TPGS1: variants seen among roughly 807,000 people sequenced by gnomAD.
TPGS1 encodes tubulin polyglutamylase complex subunit 1.
TPGS1 carries 18 observed loss-of-function variants against 11.9 expected under a neutral mutation model. That is an observed-to-expected ratio of 1.51 (90% CI 1.04 to 2.24). The LOEUF (loss-of-function observed/expected upper bound fraction) is 2.24, where lower values mean the gene tolerates loss of function less well. TPGS1 is among the 30% of genes most tolerant of loss of function. TPGS1 has a pLI of 0.00. For missense variants in TPGS1, 500 were observed against 443.0 expected, an observed-to-expected ratio of 1.13 and a Z score of -1.16; for synonymous variants, 247 against 218.2, an observed-to-expected ratio of 1.13 and a Z score of -1.16.
intron 1 of TPGS1, chr19:509,959 G>A (rs533817432): frequency 6.6e-6 from 1 of 152,430 alleles, no homozygotes; most frequent in African/African-American, 2.4e-5. Flanking sequence ...AGACCTGCGT[G>A]GCATCTGATT....
intron 1 of TPGS1, chr19:508,071 C>T (rs1160837628): frequency 5.0e-6 from 2 of 396,292 alleles, no homozygotes; most frequent in Non-Finnish European, 8.9e-6. Context: ...GTCCTTCTGG[C>T]CGGCTTCGCC....
chr19:516,366 A>G (rs1020976897), intron 1 of TPGS1, among the ~76,000 whole-genome samples: 5 of 151,868 alleles, frequency 3.3e-5, no homozygotes, highest in African/African-American at 1.2e-4. Flanking sequence ...GTTAAGCATT[A>G]CAGCATTTCT....
At chr19:511,845 C>T (rs185576920) in intron 1 of TPGS1, among the ~76,000 whole-genome samples, 2 of 152,116 alleles carry the variant, frequency 1.3e-5, no homozygotes, top group African/African-American at 2.4e-5. Context: ...ACTCTTCTCG[C>T]TTACTCTGCA....
Position 519,457 on chromosome 19 carries a change from T to G in TPGS1, c.*34T>G. On this transcript the variant is annotated 3_prime_UTR_variant, in exon 2 of 2. Transcript: ENST00000359315. ...GGCCGCGCGGATCCGGGATCTGCGC[T>G]GGGGGGTCCCCGCGTGCGGGGCGCG... 1 of 1,190,598 alleles carries G rather than the reference T, an allele frequency of 8.4e-7. No homozygotes were observed. The highest frequency in any genetic ancestry group is 1.0e-6 in the Non-Finnish European group (1 of 960,708). The allele number at this position is 1,190,598 out of a possible 1,614,324, so 73.8% of individuals were successfully genotyped here.
intron 1 of TPGS1, among the ~76,000 whole-genome samples, chr19:512,973 T>C (rs1464095123): frequency 3.9e-5 from 6 of 152,128 alleles, no homozygotes; most frequent in Admixed American, 3.3e-4. Flanking sequence ...CTGGGCCGCC[T>C]CGCGTCGAGC....
At position 507,524 on chromosome 19, in the gene TPGS1, G is replaced by C. The variant is rs1432893749; in HGVS notation, c.18G>C (p.Lys6Asn). 1.1e-5 allele frequency: 16 copies of C among 1,418,938 alleles called. No individual in the cohort carries two copies. Among genetic ancestry groups the C allele is most frequent in the African/African-American group, 4.5e-5 (3 of 67,164 alleles). 87.9% of individuals were successfully genotyped at this position (1,418,938 alleles called of 1,614,324 possible). MAAVEKRRQAVPPPAG... is the reference protein window; with the variant it reads MAAVENRRQAVPPPAG... ...CAGCGAAGATGGCGGCAGTGGAGAA[G>C]CGGCGGCAAGCGGTACCACCGCCGG... Residue 6 changes from lysine (K) to asparagine (N), a missense_variant, in exon 1 of 2, where the codon AAG becomes AAC. Coordinates refer to ENST00000359315, the MANE Select transcript of TPGS1 (RefSeq NM_033513.3).
chr19:508,274 C>T (rs1978686276), intron 1 of TPGS1: 1 of 157,178 alleles, frequency 6.4e-6, no homozygotes, highest in South Asian at 2.0e-4. Flanking sequence ...GAGAGCAGCG[C>T]AGTCACCCAG....
At chr19:511,550 G>A (rs1389062654) in intron 1 of TPGS1, among the ~76,000 whole-genome samples, 3 of 152,256 alleles carry the variant, frequency 2.0e-5, no homozygotes, top group South Asian at 4.1e-4. Flanking sequence ...CCCCCACTCC[G>A]TAGATGCACA....
At position 507,583 on chromosome 19, in the gene TPGS1, C is replaced by G. The variant is rs938072717; in HGVS notation, c.77C>G (p.Ser26Cys). 9 of 1,398,910 alleles carry G rather than the reference C, an allele frequency of 6.4e-6. No individual in the cohort carries two copies. In the African/African-American group the frequency reaches 1.4e-4, roughly 21 times the overall value. 86.7% of individuals were successfully genotyped at this position (1,398,910 alleles called of 1,614,324 possible). A position where few individuals can be genotyped will look rare whatever the true frequency, so the allele number is the denominator to read the frequency against. Reference sequence around the variant, plus strand: ...ACGGACAGCGGCCGCCAGTCGGTATCCCGGGCGGCGGGGGCGGCCGAGAGC... The same window carrying G: ...ACGGACAGCGGCCGCCAGTCGGTATGCCGGGCGGCGGGGGCGGCCGAGAGC... ...GFTDSGRQSV[S>C]RAAGAAESEE... The change falls in exon 1 of 2, where the codon TCC (serine) becomes TGC (cysteine). Residue 26 changes from serine (S) to cysteine (C), a missense_variant. Transcript: ENST00000359315.
chr19:508,140 T>C (rs1339888482), intron 1 of TPGS1: 2 of 313,676 alleles, frequency 6.4e-6, no homozygotes, highest in Non-Finnish European at 1.2e-5. Flanking sequence ...ATTTTCAAAA[T>C]CGTGCAGCTC....
At chr19:518,722 T>C (rs1231387636) in intron 1 of TPGS1, among the ~76,000 whole-genome samples, 167 bp from the exon 2 acceptor site, 1 of 113,550 alleles carries the variant, frequency 8.8e-6, no homozygotes, top group African/African-American at 3.4e-5. Context: ...GCTTCAGGGA[T>C]AGAGGGTGAG....
intron 1 of TPGS1, among the ~76,000 whole-genome samples, chr19:515,663 G>A (rs1401136365): frequency 2.6e-5 from 4 of 151,840 alleles, no homozygotes; most frequent in African/African-American, 7.3e-5. Context: ...GCTTGAACCC[G>A]GGAGGTGGAG....
intron 1 of TPGS1, among the ~76,000 whole-genome samples, chr19:511,921 G>A (rs1322315925): frequency 6.6e-6 from 1 of 152,180 alleles, no homozygotes; most frequent in Non-Finnish European, 1.5e-5. Flanking sequence ...ACCCAGGCTG[G>A]AGTGCAGTGG....
chr19:514,365 G>C (rs914528622), intron 1 of TPGS1, among the ~76,000 whole-genome samples: 3 of 149,916 alleles, frequency 2.0e-5, no homozygotes, highest in African/African-American at 7.4e-5. Flanking sequence ...TACTGGCCCA[G>C]CATTTACTGA....
At position 518,892 on chromosome 19, in the gene TPGS1, C is replaced by T. The variant is rs201016679; in HGVS notation, c.342C>T (p.Ala114=). The change falls in exon 2 of 2, where the codon GCC becomes GCT. Residue 114 remains alanine (A), a synonymous_variant. Transcript: ENST00000359315. ...HLRLAHHSQR[A]AFNNNVSVAY... is the part of the protein sequence containing the mutation. Reference sequence around the variant, plus strand: ...CCCAACGTCCCCGTCTCCGCAGGGCCGCCTTCAACAACAACGTGAGCGTGG... The same window carrying T: ...CCCAACGTCCCCGTCTCCGCAGGGCTGCCTTCAACAACAACGTGAGCGTGG... The T allele has an allele frequency of 8.1e-5, 123 of 1,522,104 alleles. No homozygotes were observed. The African/African-American group carries it at 1.5e-3, about 18-fold the overall frequency. 94.3% of individuals were successfully genotyped at this position (1,522,104 alleles called of 1,614,324 possible).
rs959601399 is a variant in TPGS1 at position 507,752 on chromosome 19, C to T, written c.246C>T (p.Gly82=). 4.3e-5 allele frequency: 60 copies of T among 1,396,934 alleles called. No individual in the cohort carries two copies. The Middle Eastern group carries it at 1.8e-3, about 41-fold the overall frequency. The allele number at this position is 1,396,934 out of a possible 1,614,324, so 86.5% of individuals were successfully genotyped here. A position where few individuals can be genotyped will look rare whatever the true frequency, so the allele number is the denominator to read the frequency against. ...TGGGCCTGCGCTCGCCTGTAAACGG[C>T]GGCGCCGGGGAGCCCCCGGGCCAGC... ...ENMGLRSPVN[G]GAGEPPGQLL... Residue 82 remains glycine (G), a synonymous_variant, in exon 1 of 2, where the codon GGC becomes GGT. Transcript: ENST00000359315.
intron 1 of TPGS1, among the ~76,000 whole-genome samples, chr19:510,858 C>T (rs569857078): frequency 6.6e-6 from 1 of 152,334 alleles, no homozygotes; most frequent in Non-Finnish European, 1.5e-5. Flanking sequence ...CTCTGGGGGC[C>T]GTCCTGGGTA....
chr19:518,859 T>TGCCGGCCCCCAACGTCCCCGTCTCC, intron 1 of TPGS1, 30 bp from the exon 2 acceptor site: 2 of 1,484,678 alleles, frequency 1.3e-6, no homozygotes, highest in African/African-American at 2.9e-5. Context: ...GCGCGGTCTC[T>TGCCGGCCCCCAACGTCCCCGTCTCC]GCCGGCCCCC....
chr19:513,776 G>A (rs1031650657), intron 1 of TPGS1, among the ~76,000 whole-genome samples: 7 of 140,214 alleles, frequency 5.0e-5, no homozygotes, highest in African/African-American at 1.6e-4. Flanking sequence ...CAGCATTACT[G>A]AGTACCTACT....
Sources: gnomAD v4.1 joint callset for allele counts (sites outside exome capture counted in the v4.1 genomes callset) on GRCh38, gnomAD v4.1.1 for gene constraint, MANE v1.5 for transcripts, NCBI Gene and HGNC (gene_info 2026-07-23, HGNC 2026-07-21) for gene names.